CHIA: variants seen among roughly 807,000 people sequenced by gnomAD.
The protein encoded by CHIA is acidic mammalian chitinase.
Under a neutral mutation model 53.5 loss-of-function variants are expected in CHIA, and 47 were observed. That is an observed-to-expected ratio of 0.88 (90% CI 0.70 to 1.12). The LOEUF is 1.12. Ranked by LOEUF, CHIA falls within the 50% of genes most tolerant of loss-of-function variation. CHIA has a pLI of 0.00. For missense variants in CHIA, 652 were observed against 592.2 expected, an observed-to-expected ratio of 1.10 and a Z score of -1.05; for synonymous variants, 268 against 222.2, an observed-to-expected ratio of 1.21 and a Z score of -1.83.
At chr1:111,301,400 A>C (rs1647717162) in intron 1 of CHIA, among the ~76,000 whole-genome samples, 1 of 152,162 alleles carries the variant, frequency 6.6e-6, no homozygotes, top group Non-Finnish European at 1.5e-5. Flanking sequence ...CTATGCAGCC[A>C]TAAAAAAGGA....
chr1:111,315,480 C>A, intron 6 of CHIA, 45 bp downstream of exon 6: 1 of 1,582,098 alleles, frequency 6.3e-7, no homozygotes, highest in South Asian at 1.2e-5. Context: ...GATTCAAAGT[C>A]TTTCTTTCCG....
chr1:111,307,811 T>G (rs1648312369), intron 1 of CHIA, among the ~76,000 whole-genome samples: 1 of 152,038 alleles, frequency 6.6e-6, no homozygotes, highest in Non-Finnish European at 1.5e-5. Flanking sequence ...CCAGCTAATT[T>G]TTGTATTTTT....
At position 111,307,092 on chromosome 1, in the gene CHIA, T is replaced by C. The variant is rs1042058127; in HGVS notation, c.-68-3308T>C. 5.9e-5 allele frequency among the ~76,000 whole-genome samples: 9 copies of C among 152,216 alleles called. No homozygotes were observed. In the South Asian group the frequency reaches 6.2e-4, roughly 11 times the overall value. ...TGTGTTATTTCACTGGGCAATTCCA[T>C]TCCTAGGTGTAAACACTGGAAAAAC... On this transcript the variant is annotated intron_variant, in intron 1 of 11. Transcript: ENST00000369740.
chr1:111,300,335 T>C (rs1647613904), intron 1 of CHIA, among the ~76,000 whole-genome samples: 2 of 152,148 alleles, frequency 1.3e-5, no homozygotes, highest in African/African-American at 4.8e-5. Flanking sequence ...CAAACTATAC[T>C]ACAAGGCTAC....
chr1:111,308,604 A>G (rs1648413220), intron 1 of CHIA, among the ~76,000 whole-genome samples: 1 of 152,104 alleles, frequency 6.6e-6, no homozygotes, highest in Non-Finnish European at 1.5e-5. Context: ...TCATTTTGTG[A>G]CCAGTCCTTG....
rs1557752516 is a variant in CHIA, at chr1:111,320,295, T to C, written c.1260T>C (p.Ser420=). 1 of 1,614,190 alleles carries C rather than the reference T, an allele frequency of 6.2e-7. No homozygotes were observed. The highest frequency in any genetic ancestry group is 2.2e-5 in the East Asian group (1 of 44,884). Reference sequence around the variant, plus strand: ...GGAACGGGAGCGGGAGTAGCAGCTCTGGAGGCAGCTCGGGAGGCAGTGGAT... The same window carrying C: ...GGAACGGGAGCGGGAGTAGCAGCTCCGGAGGCAGCTCGGGAGGCAGTGGAT... ...GSGNGSGSSS[S]GGSSGGSGFC... is the part of the protein sequence containing the mutation. The change falls in exon 12 of 12, where the codon TCT becomes TCC. Residue 420 remains serine, a synonymous_variant. Coordinates refer to ENST00000369740, the MANE Select transcript of CHIA (RefSeq NM_201653.4).
chr1:111,320,159 A>G (rs1557752146), intron 11 of CHIA, 54 bp from the exon 12 acceptor site: 11 of 1,547,702 alleles, frequency 7.1e-6, no homozygotes, highest in Non-Finnish European at 9.7e-6. Flanking sequence ...CTCTAGGTGA[A>G]GCTTAGAGCC....
At chr1:111,308,795 T>C (rs1648430330) in intron 1 of CHIA, among the ~76,000 whole-genome samples, 1 of 152,234 alleles carries the variant, frequency 6.6e-6, no homozygotes, top group African/African-American at 2.4e-5. Flanking sequence ...GTTTCTATTG[T>C]ATTAGAGGCA....
chr1:111,315,053 C>G lies in CHIA; in HGVS notation c.315-217C>G, dbSNP rs567524227. The G allele has an allele frequency of 1.4e-4, 69 of 478,474 alleles. 1 individual carries two copies. In the East Asian group the frequency reaches 2.3e-3, roughly 16 times the overall value. 29.6% of individuals were successfully genotyped at this position (478,474 alleles called of 1,614,324 possible). A position where few individuals can be genotyped will look rare whatever the true frequency, so the allele number is the denominator to read the frequency against. On this transcript the variant is annotated intron_variant, in intron 5 of 11. Coordinates refer to ENST00000369740, the MANE Select transcript of CHIA (RefSeq NM_201653.4). Reference sequence around the variant, plus strand: ...AACAAGGGCAACTTGGGAGAAAGAGCAGAGTTGGGGGGATAACAGAATAAA... The same window carrying G: ...AACAAGGGCAACTTGGGAGAAAGAGGAGAGTTGGGGGGATAACAGAATAAA...
At position 111,318,596 on chromosome 1, in the gene CHIA, A is replaced by G. The variant is rs780551104; in HGVS notation, c.833A>G (p.Asn278Ser). 6 of 1,614,152 alleles carry G rather than the reference A, an allele frequency of 3.7e-6. No homozygotes were observed. The highest frequency in any genetic ancestry group is 5.1e-6 in the Non-Finnish European group (6 of 1,180,022). Residue 278 changes from asparagine to serine, a missense_variant, in exon 9 of 12, where the codon AAC (asparagine) becomes AGC (serine). By Grantham distance (46) the Asn-to-Ser change is conservative. Coordinates refer to ENST00000369740, the MANE Select transcript of CHIA (RefSeq NM_201653.4). ...AACTTCATCCTGAGCAACCCCTCCA[A>G]CACTGGAATTGGTGCCCCCACCTCT... is the stretch of plus-strand genomic sequence containing the variant. ...GHNFILSNPS[N>S]TGIGAPTSGA...
At chr1:111,317,869 T>C (rs1649292517) in intron 7 of CHIA, 64 bp downstream of exon 7, 2 of 1,611,008 alleles carry the variant, frequency 1.2e-6, no homozygotes, top group African/African-American at 2.7e-5. Flanking sequence ...GACTTGTCCT[T>C]GGTCTGGCTT....
chr1:111,315,703 T>C (rs752627812), intron 6 of CHIA: 9 of 526,442 alleles, frequency 1.7e-5, no homozygotes, highest in Non-Finnish European at 3.3e-5. Context: ...ATGGCATACA[T>C]ACTATAAGTG....
chr1:111,300,838 A>C (rs547287249), intron 1 of CHIA, among the ~76,000 whole-genome samples: 136 of 152,364 alleles, frequency 8.9e-4, no homozygotes, highest in African/African-American at 3.0e-3. Context: ...CCCATCTGAC[A>C]AAGGGCTAAT....
In CHIA at chr1:111,312,290, C is replaced by A; in HGVS notation, c.156C>A (p.Thr52=). The A allele has an allele frequency of 6.2e-7, 1 of 1,614,042 alleles. No homozygotes were observed. Among genetic ancestry groups the A allele is most frequent in the Non-Finnish European group, 8.5e-7 (1 of 1,179,952 alleles). ...ACAACATCGACCCCTGCCTCTGTAC[C>A]CACCTGATCTACGCCTTTGCTGGGA... The part of the protein sequence containing the change: ...MPDNIDPCLC[T]HLIYAFAGRQ... Residue 52 remains threonine, a synonymous_variant, in exon 4 of 12, where the codon ACC becomes ACA. Transcript: ENST00000369740.
rs1348737817 is a variant in CHIA, at chr1:111,311,713, A to G, written c.50A>G (p.Gln17Arg). Residue 17 changes from glutamine to arginine, a missense_variant, in exon 3 of 12, where the codon CAG becomes CGG. Transcript: ENST00000369740. Reference sequence around the variant, plus strand: ...GGTCTTGTCCTTATACTGAATTTGCAGCTCGGTAAGTCATGGACTCCATGT... The same window carrying G: ...GGTCTTGTCCTTATACTGAATTTGCGGCTCGGTAAGTCATGGACTCCATGT... ...LTGLVLILNL[Q>R]LGSAYQLTCY... is the part of the protein sequence containing the mutation. The G allele has an allele frequency of 6.2e-7, 1 of 1,613,758 alleles. No individual in the cohort carries two copies. Among genetic ancestry groups the G allele is most frequent in the African/African-American group, 1.3e-5 (1 of 74,878 alleles).
At position 111,311,637 on chromosome 1, in the gene CHIA, C is replaced by CT. The variant is rs1571290509; in HGVS notation, c.26-51dup. The CT allele has an allele frequency of 8.8e-6, 14 of 1,598,908 alleles. No individual in the cohort carries two copies. In the East Asian group the frequency reaches 2.9e-4, roughly 33 times the overall value. Reference sequence around the variant, plus strand: ...GCAATCAATCCTTCAGAATTAGATTCTACGGGGTACAGACAATCGGTTCAA... The same window carrying CT: ...GCAATCAATCCTTCAGAATTAGATTCTTACGGGGTACAGACAATCGGTTCAA... On this transcript the variant is annotated intron_variant, in intron 2 of 11. Transcript: ENST00000369740.
intron 6 of CHIA, chr1:111,317,396 C>G (rs372114060): frequency 2.8e-4 from 90 of 323,414 alleles, no homozygotes; most frequent in African/African-American, 1.8e-3. Flanking sequence ...TACAATGGAG[C>G]CCTGATGGTC....
At chr1:111,292,026 T>A (rs1207121247) in intron 1 of CHIA, among the ~76,000 whole-genome samples, 1 of 152,150 alleles carries the variant, frequency 6.6e-6, no homozygotes, top group Non-Finnish European at 1.5e-5. Context: ...AAATAGTAAT[T>A]GTAATAAATT....
chr1:111,317,364 C>T (rs533645066), intron 6 of CHIA: 1 of 244,360 alleles, frequency 4.1e-6, no homozygotes, highest in Admixed American at 4.6e-5. Flanking sequence ...ATCACTGCAA[C>T]TAGAGCTTCA....
Sources: allele counts gnomAD v4.1 joint callset (sites outside exome capture counted in the v4.1 genomes callset), GRCh38; gene constraint gnomAD v4.1.1; transcripts MANE v1.5; gene names NCBI Gene and HGNC (gene_info 2026-07-23, HGNC 2026-07-21).